GRAMD1C: variants seen among roughly 807,000 people sequenced by gnomAD.
GRAMD1C encodes the protein protein Aster-C.
In GRAMD1C, 89 loss-of-function variants were observed where a neutral mutation model predicts 97.8. The ratio of observed to expected loss-of-function variants is 0.91; its 90% confidence interval spans 0.77 to 1.09. The LOEUF is 1.09. Among genes scored for constraint, GRAMD1C ranks in the 50% least tolerant of loss-of-function variants. GRAMD1C has a pLI of 0.00. For missense variants in GRAMD1C, 740 were observed against 766.4 expected (o/e 0.97, Z 0.41); for synonymous variants, 256 against 267.0 (o/e 0.96, Z 0.40).
At chr3:113,919,925 T>A (rs1444847692) in intron 10 of GRAMD1C, 2 of 656,330 alleles carry the variant, frequency 3.0e-6, no homozygotes, top group Non-Finnish European at 5.8e-6. Flanking sequence ...TATGAAATAA[T>A]GGATGGTGCA....
At chr3:113,837,708 G>A (rs150492250), upstream of GRAMD1C, among the ~76,000 whole-genome samples, 829 of 147,928 alleles carry the variant, frequency 5.6e-3, 35 homozygotes, top group Admixed American at 0.053. Context: ...GCAACATGGC[G>A]AAACCCTGTC....
Position 113,875,520 on chromosome 3 carries a change from A to G in GRAMD1C, c.296A>G (p.Gln99Arg). 1 of 1,549,170 alleles carries G rather than the reference A, an allele frequency of 6.5e-7. No homozygotes were observed. The highest frequency in any genetic ancestry group is 8.9e-7 in the Non-Finnish European group (1 of 1,119,906). Residue 99 changes from glutamine (Q) to arginine (R), a missense_variant, in exon 4 of 18, where the codon CAG becomes CGG. Physicochemically the swap from Gln to Arg is conservative, Grantham distance 43 (BLOSUM62 1). Coordinates refer to ENST00000358160, the MANE Select transcript of GRAMD1C (RefSeq NM_017577.5). ...ACALQRDILL[Q>R]GRLYLSENWL... ...GCTCTTCAGAGGGACATTTTGCTTCAGGGACGACTATACCTTTCAGAAAAC... is the reference window on the plus strand; with the variant it reads ...GCTCTTCAGAGGGACATTTTGCTTCGGGGACGACTATACCTTTCAGAAAAC...
rs1266103171 is a variant in GRAMD1C at position 113,887,091 on chromosome 3, T to TG, written c.540+4259_540+4260insG. Reference sequence around the variant, plus strand: ...CACTGCGCCTGGCCTTTTTGTTTTTTTTTTGTTTTTTTTTTTTTTTGAGAT... The same window carrying TG: ...CACTGCGCCTGGCCTTTTTGTTTTTTGTTTTGTTTTTTTTTTTTTTTGAGAT... On this transcript the variant is annotated intron_variant, in intron 6 of 17. Transcript: ENST00000358160. 8.4e-3 allele frequency among the ~76,000 whole-genome samples: 970 copies of TG among 115,670 alleles called. 19 individuals carry two copies. The highest frequency in any genetic ancestry group is 0.023 in the Middle Eastern group (5 of 218). The allele number at this position is 115,670 out of a possible 152,430, so 75.9% of individuals were successfully genotyped here. A position where few individuals can be genotyped will look rare whatever the true frequency, so the allele number is the denominator to read the frequency against.
chr3:113,890,732 A>G (rs1439029017), intron 6 of GRAMD1C: 2 of 700,412 alleles, frequency 2.9e-6, no homozygotes, highest in East Asian at 2.7e-5. Context: ...TGTCCTTCCA[A>G]TGTCACATTT....
At chr3:113,882,665 A>G (rs904421726) in intron 5 of GRAMD1C, 87 bp from the exon 6 acceptor site, 44 of 778,418 alleles carry the variant, frequency 5.7e-5, no homozygotes, top group Non-Finnish European at 9.2e-5. Context: ...TGTTTTAACC[A>G]TAAGCAAGTC....
intron 6 of GRAMD1C, among the ~76,000 whole-genome samples, chr3:113,898,316 G>A (rs1207473729): frequency 6.6e-6 from 1 of 152,044 alleles, no homozygotes; most frequent in Admixed American, 6.6e-5. Flanking sequence ...TTTAAGAAAA[G>A]TTTTTATAAA....
At chr3:113,896,293 C>T (rs1935943787) in intron 6 of GRAMD1C, among the ~76,000 whole-genome samples, 2 of 152,174 alleles carry the variant, frequency 1.3e-5, no homozygotes, top group Non-Finnish European at 2.9e-5. Context: ...ACTTTCTTCC[C>T]TTGCCTTTCA....
At chr3:113,837,967 G>A (rs1050810767), upstream of GRAMD1C, among the ~76,000 whole-genome samples, 1 of 152,202 alleles carries the variant, frequency 6.6e-6, no homozygotes, top group Admixed American at 6.5e-5. Flanking sequence ...GTTAGGATAA[G>A]GGGTTGTGGA....
intron 11 of GRAMD1C, among the ~76,000 whole-genome samples, chr3:113,931,571 C>T (rs967720086): frequency 6.6e-6 from 1 of 151,954 alleles, no homozygotes; most frequent in Admixed American, 6.6e-5. Flanking sequence ...GTTGGTTGGG[C>T]TGGTCTCGAA....
chr3:113,871,730 G>A (rs1193929105), intron 3 of GRAMD1C, among the ~76,000 whole-genome samples: 1 of 131,992 alleles, frequency 7.6e-6, no homozygotes, highest in Non-Finnish European at 1.6e-5. Context: ...GGGCAACAGA[G>A]TGAGACTCTG....
At chr3:113,873,808 C>T (rs7650996) in intron 3 of GRAMD1C, among the ~76,000 whole-genome samples, 76,474 of 151,972 alleles carry the variant, frequency 0.5, 19,820 homozygotes, top group Middle Eastern at 0.67. Context: ...TGTGAGCCAC[C>T]ACACTCGGCC....
intron 2 of GRAMD1C, among the ~76,000 whole-genome samples, chr3:113,859,923 A>C (rs1934297554): frequency 6.6e-6 from 1 of 152,222 alleles, no homozygotes; most frequent in Non-Finnish European, 1.5e-5. Context: ...TGATTCCAAA[A>C]CCAAAGCTAA....
intron 3 of GRAMD1C, among the ~76,000 whole-genome samples, chr3:113,870,604 G>T (rs150857363): frequency 1.3e-5 from 2 of 152,038 alleles, no homozygotes; most frequent in Non-Finnish European, 2.9e-5. Context: ...CTAATACAAA[G>T]ATATGATAAA....
Position 113,939,985 on chromosome 3 carries a change from G to A in GRAMD1C, c.1791G>A (p.Glu597=), listed in dbSNP as rs267599550. ...TTTACCGTCTCCGCCTCCAAGAAGA[G>A]AAATCTTTAAAGTAAGTCTTTTTCC... ...QSFYRLRLQE[E]KSLNLASDMV... is the part of the protein sequence containing the mutation. The change falls in exon 16 of 18, where the codon GAG becomes GAA. Residue 597 remains glutamate (E), a synonymous_variant. Transcript: ENST00000358160. 6.4e-7 allele frequency: 1 copy of A among 1,555,246 alleles called. No homozygotes were observed. The highest frequency in any genetic ancestry group is 8.9e-7 in the Non-Finnish European group (1 of 1,126,432).
intron 3 of GRAMD1C, among the ~76,000 whole-genome samples, chr3:113,870,974 GAC>G (rs550859238): frequency 5.2e-5 from 4 of 76,248 alleles, no homozygotes; most frequent in African/African-American, 1.5e-4. Context: ...ATAAATAAAA[GAC>G]ACACACACAC....
At chr3:113,944,705 A>G (rs1267443581) in intron 17 of GRAMD1C, among the ~76,000 whole-genome samples, 4 of 152,354 alleles carry the variant, frequency 2.6e-5, no homozygotes, top group African/African-American at 9.6e-5. Context: ...TGTAAGCTCC[A>G]TGAAGGACAG....
intron 2 of GRAMD1C, among the ~76,000 whole-genome samples, chr3:113,860,142 C>T (rs1934306346): frequency 6.6e-6 from 1 of 152,160 alleles, no homozygotes; most frequent in Non-Finnish European, 1.5e-5. Context: ...CTGCCTCAGC[C>T]TCCTGAGTAG....
intron 17 of GRAMD1C, among the ~76,000 whole-genome samples, chr3:113,943,110 T>C (rs1195984636): frequency 1.3e-5 from 2 of 152,218 alleles, no homozygotes; most frequent in Non-Finnish European, 2.9e-5. Context: ...ATTCCACTCA[T>C]TCACTCTTCA....
chr3:113,881,984 C>G (rs1165195545), intron 5 of GRAMD1C, among the ~76,000 whole-genome samples: 1 of 151,954 alleles, frequency 6.6e-6, no homozygotes, highest in African/African-American at 2.4e-5. Flanking sequence ...TAACTTAATC[C>G]AGCATAGAAC....
Sources: gnomAD v4.1 joint callset for allele counts (sites outside exome capture counted in the v4.1 genomes callset) on GRCh38, gnomAD v4.1.1 for gene constraint, MANE v1.5 for transcripts, NCBI Gene and HGNC (gene_info 2026-07-23, HGNC 2026-07-21) for gene names.